SLC9B1: variants seen among roughly 807,000 people sequenced by gnomAD.
The protein encoded by SLC9B1 is sodium/hydrogen exchanger 9B1.
In SLC9B1, 32 loss-of-function variants were observed where a neutral mutation model predicts 51.7. That is an observed-to-expected ratio of 0.62 (90% confidence interval 0.47 to 0.83). The LOEUF is 0.83. SLC9B1 is among the 40% of genes least tolerant of loss of function. The pLI is 0.00. For synonymous variants in SLC9B1, 145 were observed against 212.7 expected (o/e 0.68, Z 2.77); for missense variants, 406 against 613.2 (o/e 0.66, Z 3.57).
chr4:102,915,687 A>G (rs1184799695), intron 7 of SLC9B1, among the ~76,000 whole-genome samples: 3 of 152,216 alleles, frequency 2.0e-5, no homozygotes, highest in Non-Finnish European at 4.4e-5. Flanking sequence ...CCAGCCTGTA[A>G]TTCACTTTTA....
intron 1 of SLC9B1, among the ~76,000 whole-genome samples, chr4:102,997,479 G>C (rs1740287268): frequency 6.6e-6 from 1 of 151,944 alleles, no homozygotes; most frequent in African/African-American, 2.4e-5. Context: ...GTTTCTTGCT[G>C]GCATACAGAA....
At chr4:102,920,822 T>A (rs1446594710) in intron 7 of SLC9B1, among the ~76,000 whole-genome samples, 4 of 152,104 alleles carry the variant, frequency 2.6e-5, no homozygotes, top group African/African-American at 9.6e-5. Context: ...TGATTGAAGA[T>A]CAAATAAATG....
intron 1 of SLC9B1, among the ~76,000 whole-genome samples, chr4:103,018,676 G>A (rs1741543574): frequency 6.6e-6 from 1 of 152,120 alleles, no homozygotes; most frequent in African/African-American, 2.4e-5. Flanking sequence ...GGGGAGTGAG[G>A]GACCTGGTAT....
At chr4:102,983,362 A>G (rs1344809882) in intron 3 of SLC9B1, among the ~76,000 whole-genome samples, 1 of 152,082 alleles carries the variant, frequency 6.6e-6, no homozygotes, top group Non-Finnish European at 1.5e-5. Flanking sequence ...TTGGTTCTAT[A>G]ATGTTTTTGC....
chr4:102,959,259 T>C (rs181343174), intron 3 of SLC9B1, among the ~76,000 whole-genome samples: 2 of 148,198 alleles, frequency 1.3e-5, no homozygotes, highest in Admixed American at 1.3e-4. Flanking sequence ...CACACACACA[T>C]ACGCAAATGG....
At chr4:102,938,244 A>G (rs4446311) in intron 6 of SLC9B1, among the ~76,000 whole-genome samples, 83,166 of 151,970 alleles carry the variant, frequency 0.55, 23,330 homozygotes, top group African/African-American at 0.68. Flanking sequence ...GACAAAATAG[A>G]CTTTAAACCA....
chr4:102,939,435 C>T (rs1312775667), intron 6 of SLC9B1, among the ~76,000 whole-genome samples: 1 of 146,628 alleles, frequency 6.8e-6, no homozygotes, highest in Non-Finnish European at 1.5e-5. Context: ...AAAAGCAAGC[C>T]CAGGACCCAA....
At chr4:102,898,519 A>G (rs948252332), downstream of SLC9B1, among the ~76,000 whole-genome samples, 1 of 152,280 alleles carries the variant, frequency 6.6e-6, no homozygotes, top group Non-Finnish European at 1.5e-5. Context: ...TCAGCAAAGT[A>G]TAAAAATTTA....
chr4:102,988,717 G>GA (rs1739791863), intron 3 of SLC9B1, among the ~76,000 whole-genome samples: 1 of 152,036 alleles, frequency 6.6e-6, no homozygotes, highest in Non-Finnish European at 1.5e-5. Context: ...TAGAAACACA[G>GA]AAAATCTCCT....
chr4:102,909,282 G>C (rs993140867), intron 9 of SLC9B1, among the ~76,000 whole-genome samples: 2 of 140,390 alleles, frequency 1.4e-5, no homozygotes, highest in Non-Finnish European at 3.0e-5. Context: ...GGGCAACATA[G>C]AGAGACTCTG....
At chr4:103,005,278 C>A (rs541321260) in intron 1 of SLC9B1, among the ~76,000 whole-genome samples, 62 of 123,888 alleles carry the variant, frequency 5.0e-4, no homozygotes, top group South Asian at 2.0e-3. Flanking sequence ...AAAAAAAAAA[C>A]CAGAAAAAAG....
intron 3 of SLC9B1, chr4:102,961,839 A>G: frequency 5.4e-6 from 1 of 185,540 alleles, no homozygotes; most frequent in Non-Finnish European, 1.1e-5. Flanking sequence ...ATATCTTAAA[A>G]TGAATAAAAG....
At chr4:103,014,027 A>G (rs922113812) in intron 1 of SLC9B1, among the ~76,000 whole-genome samples, 3 of 152,148 alleles carry the variant, frequency 2.0e-5, no homozygotes, top group Non-Finnish European at 4.4e-5. Context: ...TATGGCAACA[A>G]CCTTCTTAAT....
At chr4:102,944,270 A>G (rs1006544401) in intron 6 of SLC9B1, among the ~76,000 whole-genome samples, 2 of 152,134 alleles carry the variant, frequency 1.3e-5, no homozygotes, top group Non-Finnish European at 2.9e-5. Flanking sequence ...AAAACTACCT[A>G]TTGGGTATTA....
chr4:102,997,544 A>C (rs1173650150), intron 1 of SLC9B1, among the ~76,000 whole-genome samples: 1 of 152,130 alleles, frequency 6.6e-6, no homozygotes, highest in Admixed American at 6.5e-5. Context: ...AAATTCACTT[A>C]ATTCTAATAG....
rs189660454 is a variant in SLC9B1, at chr4:102,980,936, C to T, written c.211+8864G>A. Among the ~76,000 whole-genome samples, 337 of 152,208 alleles carry T rather than the reference C, an allele frequency of 2.2e-3. 2 individuals are homozygous for T. Among genetic ancestry groups the T allele is most frequent in the African/African-American group, 7.6e-3 (315 of 41,544 alleles). On this transcript the variant is annotated intron_variant, in intron 3 of 11. Transcript: ENST00000296422. The stretch of plus-strand genomic sequence containing the variant: ...TTAACAAATGTATAATGACATATTT[C>T]CATCATTATAATATCATACAAAATA...
chr4:102,991,595 T>C (rs1739940391), intron 2 of SLC9B1, 48 bp downstream of exon 2: 6 of 1,210,584 alleles, frequency 5.0e-6, no homozygotes, highest in Non-Finnish European at 6.8e-6. Context: ...AATTTTAAGA[T>C]CAGGTTGATT....
chr4:102,959,671 T>C (rs1737993946), intron 3 of SLC9B1, among the ~76,000 whole-genome samples: 1 of 152,180 alleles, frequency 6.6e-6, no homozygotes, highest in Non-Finnish European at 1.5e-5. Flanking sequence ...AGCGGATCGC[T>C]GACAGGAAGC....
At chr4:102,986,384 T>C (rs1739626769) in intron 3 of SLC9B1, among the ~76,000 whole-genome samples, 1 of 152,172 alleles carries the variant, frequency 6.6e-6, no homozygotes, top group Admixed American at 6.5e-5. Context: ...TACCTCTGTC[T>C]TCTTTCAAGA....
Sources: gnomAD v4.1 joint callset for allele counts (sites outside exome capture counted in the v4.1 genomes callset) on GRCh38, gnomAD v4.1.1 for gene constraint, MANE v1.5 for transcripts, NCBI Gene and HGNC (gene_info 2026-07-23, HGNC 2026-07-21) for gene names.